The following RAB10 variants were observed in gnomAD, a reference collection of about 807,000 sequenced individuals.
RAB10 encodes the protein RAB10, member RAS oncogene family.
Under a neutral mutation model 25.7 loss-of-function variants are expected in RAB10, and 5 were observed. That is an observed-to-expected ratio of 0.19 (90% confidence interval 0.10 to 0.41). The LOEUF is 0.41. Ranked by LOEUF, RAB10 falls within the 10% of genes least tolerant of loss-of-function variation. The pLI, the probability that RAB10 is intolerant of heterozygous loss-of-function variation, is 1.00. For missense variants in RAB10, 103 were observed against 245.8 expected (o/e 0.42, Z 3.89); for synonymous variants, 89 against 86.4 (o/e 1.03, Z -0.16).
At chr2:26,044,606 C>T (rs959515730) in intron 1 of RAB10, among the ~76,000 whole-genome samples, 2 of 150,694 alleles carry the variant, frequency 1.3e-5, no homozygotes, top group South Asian at 2.1e-4. Context: ...AGTGCAGTTG[C>T]GTCATCTTGG....
In RAB10 at chr2:26,066,777, A is replaced by ATTTTT. The variant is rs3065544; in HGVS notation, c.128-31866_128-31862dup. 1.6e-3 allele frequency among the ~76,000 whole-genome samples: 177 copies of ATTTTT among 110,214 alleles called. 2 individuals are homozygous for ATTTTT. The highest frequency in any genetic ancestry group is 5.6e-3 in the African/African-American group (165 of 29,494). 72.3% of individuals were successfully genotyped at this position (110,214 alleles called of 152,430 possible). ...GGGACACAGCAAAACCATGCCATCA[A>ATTTTT]TTTTTTTTTTTTTTTTTTTTTTTGA... On this transcript the variant is annotated intron_variant, in intron 1 of 5. Transcript: ENST00000264710.
At chr2:26,118,575 T>C (rs1265178342) in intron 3 of RAB10, among the ~76,000 whole-genome samples, 3 of 152,248 alleles carry the variant, frequency 2.0e-5, no homozygotes, top group Non-Finnish European at 4.4e-5. Context: ...AACATCCTTT[T>C]AAAGTATTTG....
intron 3 of RAB10, among the ~76,000 whole-genome samples, chr2:26,122,637 CAAAA>C (rs917927455): frequency 1.3e-4 from 19 of 141,110 alleles, no homozygotes; most frequent in African/African-American, 4.6e-4. Context: ...AAAAAAAAAA[CAAAA>C]AAAAAGGGCA....
intron 1 of RAB10, among the ~76,000 whole-genome samples, chr2:26,067,678 C>T (rs1043052906): frequency 2.0e-5 from 3 of 152,200 alleles, no homozygotes; most frequent in Non-Finnish European, 4.4e-5. Flanking sequence ...AAGAGGCAGA[C>T]TACCACTAGT....
chr2:26,052,454 A>G (rs1666158939), intron 1 of RAB10, among the ~76,000 whole-genome samples: 1 of 146,718 alleles, frequency 6.8e-6, no homozygotes, highest in African/African-American at 2.5e-5. Flanking sequence ...CTACAAGATG[A>G]TGGAACCGTG....
intron 1 of RAB10, among the ~76,000 whole-genome samples, chr2:26,052,494 C>G (rs1446317317): frequency 8.2e-6 from 1 of 121,868 alleles, no homozygotes; most frequent in African/African-American, 3.2e-5. Flanking sequence ...TTTTTTTTCA[C>G]TGAGAGAGAT....
At chr2:26,044,555 T>C (rs1665955093) in intron 1 of RAB10, among the ~76,000 whole-genome samples, 1 of 152,088 alleles carries the variant, frequency 6.6e-6, no homozygotes, top group African/African-American at 2.4e-5. Context: ...TAGTTTTTTT[T>C]TTTTTTTGAG....
intron 1 of RAB10, among the ~76,000 whole-genome samples, chr2:26,063,556 C>A (rs1391393221): frequency 6.6e-6 from 1 of 152,116 alleles, no homozygotes; most frequent in Non-Finnish European, 1.5e-5. Flanking sequence ...AGCACAGTAT[C>A]ATTACATGCA....
intron 1 of RAB10, among the ~76,000 whole-genome samples, chr2:26,073,748 G>A (rs1279865003): frequency 6.6e-6 from 1 of 152,162 alleles, no homozygotes; most frequent in African/African-American, 2.4e-5. Flanking sequence ...TAGTCTGGTT[G>A]CCATATTACA....
At chr2:26,038,805 C>G (rs1559575255) in intron 1 of RAB10, among the ~76,000 whole-genome samples, 1 of 151,010 alleles carries the variant, frequency 6.6e-6, no homozygotes, top group Non-Finnish European at 1.5e-5. Context: ...GCTTGTAGTC[C>G]CAGCTGCTCG....
At chr2:26,116,956 C>T (rs969375985) in intron 3 of RAB10, among the ~76,000 whole-genome samples, 4 of 151,594 alleles carry the variant, frequency 2.6e-5, no homozygotes, top group African/African-American at 9.7e-5. Flanking sequence ...AGGCATGTGC[C>T]ACTGTGCCAC....
intron 3 of RAB10, among the ~76,000 whole-genome samples, chr2:26,119,142 C>G (rs998843513): frequency 2.6e-5 from 4 of 152,148 alleles, no homozygotes; most frequent in African/African-American, 4.8e-5. Context: ...CACGGTGGCT[C>G]ACACCTGTAA....
In RAB10 at chr2:26,068,394, C is replaced by T. The variant is rs555605643; in HGVS notation, c.128-30268C>T. 9.2e-5 allele frequency among the ~76,000 whole-genome samples: 14 copies of T among 152,034 alleles called. No individual in the cohort carries two copies. In the South Asian group the frequency reaches 2.9e-3, roughly 32 times the overall value. On this transcript the variant is annotated intron_variant, in intron 1 of 5. Transcript: ENST00000264710. ...ATTCAATTTTTAAAAGATGGTTGGC[C>T]CAGAAAATGTGGAAAATGGATTGGA...
intron 1 of RAB10, among the ~76,000 whole-genome samples, chr2:26,048,844 C>G (rs1004719568): frequency 6.6e-6 from 1 of 152,086 alleles, no homozygotes; most frequent in African/African-American, 2.4e-5. Context: ...CCAGCCTGGG[C>G]GACAGTGAGA....
intron 1 of RAB10, among the ~76,000 whole-genome samples, chr2:26,087,056 A>G (rs1277990586): frequency 6.6e-6 from 1 of 152,204 alleles, no homozygotes; most frequent in African/African-American, 2.4e-5. Flanking sequence ...TGGAGGTTAC[A>G]CAACATTATG....
intron 1 of RAB10, among the ~76,000 whole-genome samples, chr2:26,062,679 AAAATAAATAAAT>A (rs10659551): frequency 3.4e-5 from 5 of 148,376 alleles, no homozygotes; most frequent in African/African-American, 1.2e-4. Context: ...CTCTGTCTCA[AAAATAAATAAAT>A]AAATAAATAA....
At position 26,034,163 on chromosome 2, in the gene RAB10, C is replaced by G. The variant is rs1369547045; in HGVS notation, c.-446C>G. 12 of 409,664 alleles carry G rather than the reference C, an allele frequency of 2.9e-5. No individual in the cohort carries two copies. Among genetic ancestry groups the G allele is most frequent in the African/African-American group, 2.5e-4 (12 of 48,746 alleles). 25.4% of individuals were successfully genotyped at this position (409,664 alleles called of 1,614,324 possible). A position where few individuals can be genotyped will look rare whatever the true frequency, so the allele number is the denominator to read the frequency against. On this transcript the variant is annotated 5_prime_UTR_variant, in exon 1 of 6. Transcript: ENST00000264710. ...GCCGGGGTGGCTCGGTTTCCTGGGG[C>G]TATGTAACTGAGCTCGTCGACTTAG...
intron 1 of RAB10, among the ~76,000 whole-genome samples, chr2:26,044,809 G>C (rs1665962177): frequency 1.1e-5 from 1 of 94,988 alleles, no homozygotes; most frequent in Non-Finnish European, 2.3e-5. Flanking sequence ...GCCTCCCAAA[G>C]TGCTGGGATT....
At chr2:26,094,958 G>A (rs1342937962) in intron 1 of RAB10, among the ~76,000 whole-genome samples, 1 of 152,150 alleles carries the variant, frequency 6.6e-6, no homozygotes, top group Non-Finnish European at 1.5e-5. Context: ...AGTTTTATGT[G>A]GCGTTTAATG....
Sources: gnomAD v4.1 joint callset for allele counts (sites outside exome capture counted in the v4.1 genomes callset) on GRCh38, gnomAD v4.1.1 for gene constraint, MANE v1.5 for transcripts, NCBI Gene and HGNC (gene_info 2026-07-23, HGNC 2026-07-21) for gene names.